KIF18A: variants seen among roughly 807,000 people sequenced by gnomAD.
KIF18A encodes kinesin-like protein KIF18A.
A neutral mutation model predicts 103.3 loss-of-function variants in KIF18A; 67 were observed. The observed-to-expected ratio is 0.65, with a 90% confidence interval of 0.53 to 0.79. The LOEUF is 0.79. Ranked by LOEUF, KIF18A falls within the 30% of genes least tolerant of loss-of-function variation. The probability of loss-of-function intolerance (pLI) is 0.00; values close to 1 mark genes in which losing one functional copy is unlikely to be tolerated. For synonymous variants in KIF18A, 367 were observed against 355.5 expected (o/e 1.03, Z -0.36); for missense variants, 1,032 against 1,062.5 (o/e 0.97, Z 0.40).
Position 28,084,677 on chromosome 11 carries a change from A to T in KIF18A, c.1029T>A (p.Tyr343Ter), listed in dbSNP as rs1427759181. The change falls in exon 7 of 17, where the codon TAT (tyrosine) becomes TAA (stop). Residue 343 changes from tyrosine (Y) to a stop codon, truncating the protein, a stop_gained. Transcript: ENST00000263181. LOFTEE classifies it high-confidence loss of function. ...CCCGGTTAGCATACTTAAGAGTGTT[A>T]TATGTGTCATCGTAGAATACAGAGG... ...SPSSVFYDDT[Y>*]NTLKYANRAK... is the part of the protein sequence containing the mutation. The T allele has an allele frequency of 6.2e-7, 1 of 1,613,042 alleles. No homozygotes were observed. The highest frequency in any genetic ancestry group is 1.1e-5 in the South Asian group (1 of 91,054).
intron 15 of KIF18A, among the ~76,000 whole-genome samples, chr11:28,027,078 A>G (rs1489176819): frequency 6.6e-6 from 1 of 151,850 alleles, no homozygotes; most frequent in African/African-American, 2.4e-5. Context: ...TACTCTATGT[A>G]GCACAAATAA....
At chr11:28,087,253 G>T (rs574413165) in intron 6 of KIF18A, among the ~76,000 whole-genome samples, 178 of 152,012 alleles carry the variant, frequency 1.2e-3, no homozygotes, top group South Asian at 8.3e-3. Flanking sequence ...GACAGGCCCT[G>T]CCTGGCGTGT....
In KIF18A at chr11:28,023,797, C is replaced by A; in HGVS notation, c.2558G>T (p.Arg853Leu). The change falls in exon 16 of 17, where the codon CGT becomes CTT. Residue 853 changes from arginine to leucine, a missense_variant. Transcript: ENST00000263181. ...TADVNSGFAK[R>L]VRQDNSSEKH... Reference sequence around the variant, plus strand: ...CTCACTTGAATTATCTTGTCGAACACGTTTGGCAAATCCAGAATTTACGTC... The same window carrying A: ...CTCACTTGAATTATCTTGTCGAACAAGTTTGGCAAATCCAGAATTTACGTC... 1 of 1,612,966 alleles carries A rather than the reference C, an allele frequency of 6.2e-7. No individual in the cohort carries two copies. The highest frequency in any genetic ancestry group is 8.5e-7 in the Non-Finnish European group (1 of 1,179,224).
intron 9 of KIF18A, among the ~76,000 whole-genome samples, chr11:28,080,475 T>A (rs373917130): frequency 2.6e-5 from 4 of 152,110 alleles, no homozygotes; most frequent in African/African-American, 9.7e-5. Context: ...TGAAATATTG[T>A]AAACTTTTTC....
intron 5 of KIF18A, 31 bp from the exon 6 acceptor site, chr11:28,088,752 A>C: frequency 6.5e-7 from 1 of 1,543,012 alleles, no homozygotes; most frequent in Non-Finnish European, 8.9e-7. Context: ...GAAAAAAATG[A>C]GGATAAGATT....
chr11:28,035,466 G>C lies in KIF18A; in HGVS notation c.2425C>G (p.His809Asp), dbSNP rs199938122. The stretch of plus-strand genomic sequence containing the variant: ...ACCATGCTTGGTACAGGCATAGAAT[G>C]CTTAGTTGAGAATGAAGAAGGATCA... ...RLDPSSFSTK[H>D]SMPVPSMVPS... is the part of the protein sequence containing the mutation. Residue 809 changes from histidine (H) to aspartate (D), a missense_variant, in exon 15 of 17, where the codon CAT (histidine) becomes GAT (aspartate). By Grantham distance (81) the His-to-Asp change is moderately conservative. Coordinates refer to ENST00000263181, the MANE Select transcript of KIF18A (RefSeq NM_031217.4). 2 of 1,596,186 alleles carry C rather than the reference G, an allele frequency of 1.3e-6. No homozygotes were observed. Among genetic ancestry groups the C allele is most frequent in the Non-Finnish European group, 1.7e-6 (2 of 1,170,208 alleles).
At chr11:28,051,619 A>C (rs1179925835) in intron 13 of KIF18A, among the ~76,000 whole-genome samples, 4 of 152,038 alleles carry the variant, frequency 2.6e-5, no homozygotes, top group African/African-American at 7.2e-5. Flanking sequence ...TACTACATAA[A>C]TGTTTTAACT....
At chr11:28,106,736 C>T (rs1159819271) in intron 1 of KIF18A, among the ~76,000 whole-genome samples, 1 of 151,946 alleles carries the variant, frequency 6.6e-6, no homozygotes, top group Non-Finnish European at 1.5e-5. Flanking sequence ...TTTAGGAGGC[C>T]GAGGCGGGCA....
chr11:28,086,872 G>A (rs1023771720), intron 6 of KIF18A, among the ~76,000 whole-genome samples: 17 of 151,920 alleles, frequency 1.1e-4, no homozygotes, highest in East Asian at 7.7e-4. Context: ...TACAAAATCC[G>A]TCTCTGTGTC....
intron 13 of KIF18A, among the ~76,000 whole-genome samples, chr11:28,058,662 C>CAAAAAAAAAAAAAAAAAAAAAA (rs58273868): frequency 1.6e-5 from 1 of 64,438 alleles, no homozygotes; most frequent in African/African-American, 5.5e-5. Flanking sequence ...ACCCTGTCAC[C>CAAAAAAAAAAAAAAAAAAAAAA]AAAAAAAAAA....
intron 13 of KIF18A, among the ~76,000 whole-genome samples, chr11:28,044,395 C>A (rs529705900): frequency 6.6e-6 from 1 of 152,180 alleles, no homozygotes; most frequent in South Asian, 2.1e-4. Flanking sequence ...GACTAGTTTT[C>A]TGGAGATAAC....
chr11:28,091,571 T>C, intron 3 of KIF18A, 58 bp from the exon 4 acceptor site: 1 of 854,146 alleles, frequency 1.2e-6, no homozygotes, highest in Non-Finnish European at 1.9e-6. Context: ...GGTGATTACA[T>C]CACACATACA....
rs1851100764 is a variant in KIF18A at position 28,076,945 on chromosome 11, A to AG, written c.1425+61_1425+62insC. 2.5e-5 allele frequency: 21 copies of AG among 854,774 alleles called. 1 individual carries two copies. In the South Asian group the frequency reaches 4.3e-4, roughly 17 times the overall value. 52.9% of individuals were successfully genotyped at this position (854,774 alleles called of 1,614,324 possible). A position where few individuals can be genotyped will look rare whatever the true frequency, so the allele number is the denominator to read the frequency against. ...GAAGAGACTCCTTCTGAAAAAAAAA[A>AG]AAAAAAAAAAGCCCCCATGTTTTTA... is the stretch of plus-strand genomic sequence containing the variant. On this transcript the variant is annotated intron_variant, in intron 10 of 16. Transcript: ENST00000263181.
intron 2 of KIF18A, 192 bp downstream of exon 2, chr11:28,097,431 G>A (rs1851388955): frequency 3.6e-6 from 2 of 561,594 alleles, no homozygotes; most frequent in South Asian, 4.4e-5. Flanking sequence ...GTTTACAAAT[G>A]ATGTATAAGT....
rs1355346209 is a variant in KIF18A, at chr11:28,036,492, TGGTGTATATACAATA to T, written c.2106_2120del (p.Ile703_Pro707del). 1.9e-6 allele frequency: 3 copies of T among 1,611,400 alleles called. No homozygotes were observed. The South Asian group carries it at 3.3e-5, about 18-fold the overall frequency. Reference sequence around the variant, plus strand: ...TTTGAAAAGCTTTTCTACAGTCTTCTGGTGTATATACAATAGGCTGAAGTTCTTTGCTAAGAGAAT... The same window carrying T: ...TTTGAAAAGCTTTTCTACAGTCTTCTGGCTGAAGTTCTTTGCTAAGAGAAT... On this transcript the variant is annotated inframe_deletion, in exon 14 of 17. Coordinates refer to ENST00000263181, the MANE Select transcript of KIF18A (RefSeq NM_031217.4).
chr11:28,085,540 G>A (rs1028005777), intron 6 of KIF18A, among the ~76,000 whole-genome samples: 2 of 152,098 alleles, frequency 1.3e-5, no homozygotes, highest in African/African-American at 4.8e-5. Flanking sequence ...GGATGTATGC[G>A]CCATCTCTCT....
chr11:28,088,884 C>T (rs1851266565), intron 5 of KIF18A, among the ~76,000 whole-genome samples, 163 bp from the exon 6 acceptor site: 1 of 152,098 alleles, frequency 6.6e-6, no homozygotes, highest in Non-Finnish European at 1.5e-5. Flanking sequence ...TAAGTAATCA[C>T]TATAGCTGAG....
In KIF18A at chr11:28,082,920, A is replaced by G. The variant is rs778503376; in HGVS notation, c.1198T>C (p.Phe400Leu). The change falls in exon 9 of 17, where the codon TTC (phenylalanine) becomes CTC (leucine). Residue 400 changes from phenylalanine to leucine, a missense_variant. By Grantham distance (22) the Phe-to-Leu change is conservative (BLOSUM62 0). Transcript: ENST00000263181. Reference protein sequence around the residue: ...KLKAYEEQKAFTNENDQAKLM... With the variant: ...KLKAYEEQKALTNENDQAKLM... ...TTTGCTTGGTCATTTTCATTAGTGA[A>G]GGCTTTCTGTTCTTCATAGGCTTTT... The G allele has an allele frequency of 2.5e-6, 4 of 1,605,794 alleles. No individual in the cohort carries two copies. The highest frequency in any genetic ancestry group is 3.4e-6 in the Non-Finnish European group (4 of 1,175,278).
chr11:28,023,149 A>G (rs1014417674), intron 16 of KIF18A, among the ~76,000 whole-genome samples: 1 of 152,158 alleles, frequency 6.6e-6, no homozygotes, highest in African/African-American at 2.4e-5. Context: ...ATGATACACC[A>G]CTAGTTTAAC....
Sources: gnomAD v4.1 joint callset for allele counts (sites outside exome capture counted in the v4.1 genomes callset) on GRCh38, gnomAD v4.1.1 for gene constraint, MANE v1.5 for transcripts, NCBI Gene and HGNC (gene_info 2026-07-23, HGNC 2026-07-21) for gene names.